The following OTUD4 variants were observed in gnomAD, a reference collection of about 807,000 sequenced individuals.
The protein encoded by OTUD4 is OTU domain-containing protein 4.
OTUD4 carries 24 observed loss-of-function variants against 130.4 expected under a neutral mutation model. That is an observed-to-expected ratio of 0.18 (90% CI 0.13 to 0.26). The LOEUF (loss-of-function observed/expected upper bound fraction) is 0.26, where lower values mean the gene tolerates loss of function less well. Ranked by LOEUF, OTUD4 falls within the 10% of genes least tolerant of loss-of-function variation. OTUD4 has a pLI of 1.00. For missense variants in OTUD4, 1,031 were observed against 1,329.4 expected, an observed-to-expected ratio of 0.78 and a Z score of 3.49; for synonymous variants, 420 against 472.5, an observed-to-expected ratio of 0.89 and a Z score of 1.44.
chr4:145,147,508 C>CA (rs916873937), intron 13 of OTUD4, among the ~76,000 whole-genome samples: 22 of 151,768 alleles, frequency 1.4e-4, no homozygotes, highest in African/African-American at 5.3e-4. Context: ...TCCTATCATC[C>CA]AAAAAAAATG....
In OTUD4 at chr4:145,155,658, C is replaced by T. The variant is rs374366255; in HGVS notation, c.719G>A (p.Ser240Asn). ...AAGAACCTTTCTAGACAAAGGCAGG[C>T]TAGTAGAGTTCCCATTGTTCTTCAG... The part of the protein sequence containing the change: ...EQLKNNGNST[S>N]LPLSRKVLKS... The change falls in exon 9 of 21, where the codon AGC (serine) becomes AAC (asparagine). Residue 240 changes from serine (S) to asparagine (N), a missense_variant. By Grantham distance (46) the Ser-to-Asn change is conservative. This residue lies in a region of OTUD4 where 900 missense variants were observed against 1,095.9 expected (regional missense o/e 0.82). Coordinates refer to ENST00000447906, the MANE Select transcript of OTUD4 (RefSeq NM_001366057.1). The T allele has an allele frequency of 6.2e-7, 1 of 1,610,324 alleles. No homozygotes were observed. The highest frequency in any genetic ancestry group is 8.5e-7 in the Non-Finnish European group (1 of 1,178,192).
Position 145,136,727 on chromosome 4 carries a change from T to C in OTUD4, c.*703A>G, listed in dbSNP as rs1302138980. 3 of 152,638 alleles carry C rather than the reference T, an allele frequency of 2.0e-5. No homozygotes were observed. Among genetic ancestry groups the C allele is most frequent in the African/African-American group, 7.2e-5 (3 of 41,446 alleles). 9.5% of individuals were successfully genotyped at this position (152,638 alleles called of 1,614,324 possible). ...TTCATTGGATTTCCTACTATTCTTC[T>C]ATGCAATCTCAACAAATACCAAAAT... is the stretch of plus-strand genomic sequence containing the variant. On this transcript the variant is annotated 3_prime_UTR_variant, in exon 21 of 21. Coordinates refer to ENST00000447906, the MANE Select transcript of OTUD4 (RefSeq NM_001366057.1).
intron 7 of OTUD4, among the ~76,000 whole-genome samples, chr4:145,158,264 C>T (rs1307760207): frequency 6.6e-6 from 1 of 152,078 alleles, no homozygotes; most frequent in Non-Finnish European, 1.5e-5. Flanking sequence ...CGGGTGATCA[C>T]AAGGTCAGGA....
intron 3 of OTUD4, chr4:145,170,954 T>C (rs1301716954): frequency 1.3e-5 from 2 of 152,116 alleles, no homozygotes; most frequent in Admixed American, 1.3e-4. Context: ...TCCTTTTCTG[T>C]CTCAACAGTC....
chr4:145,143,221 A>G (rs1750647621), intron 17 of OTUD4, 144 bp downstream of exon 17: 2 of 521,478 alleles, frequency 3.8e-6, no homozygotes, highest in Non-Finnish European at 6.8e-6. Context: ...ACATTTAAAA[A>G]TCATAACCAC....
Position 145,137,256 on chromosome 4 carries a change from C to T in OTUD4, c.*174G>A. 2.0e-6 allele frequency: 1 copy of T among 506,106 alleles called. No individual in the cohort carries two copies. Among genetic ancestry groups the T allele is most frequent in the Admixed American group, 3.6e-5 (1 of 27,966 alleles). 31.4% of individuals were successfully genotyped at this position (506,106 alleles called of 1,614,324 possible). A position where few individuals can be genotyped will look rare whatever the true frequency, so the allele number is the denominator to read the frequency against. ...AAAACTGGCAATGCCAGGAATTAAC[C>T]TGCCCCCTTGAACTCATGTCCAAAA... On this transcript the variant is annotated 3_prime_UTR_variant, in exon 21 of 21. Coordinates refer to ENST00000447906, the MANE Select transcript of OTUD4 (RefSeq NM_001366057.1).
rs746212826 is a variant in OTUD4, at chr4:145,134,969, G to A, written c.*2461C>T. 4 of 396,666 alleles carry A rather than the reference G, an allele frequency of 1.0e-5. No homozygotes were observed. The highest frequency in any genetic ancestry group is 1.8e-5 in the Non-Finnish European group (4 of 225,000). 24.6% of individuals were successfully genotyped at this position (396,666 alleles called of 1,614,324 possible). A position where few individuals can be genotyped will look rare whatever the true frequency, so the allele number is the denominator to read the frequency against. On this transcript the variant is annotated 3_prime_UTR_variant, in exon 21 of 21. Transcript: ENST00000447906. Reference sequence around the variant, plus strand: ...CCTCTATTCTCTTATAAAGAAATATGTCAACATAACAGTATGACATAACAG... The same window carrying A: ...CCTCTATTCTCTTATAAAGAAATATATCAACATAACAGTATGACATAACAG...
chr4:145,142,342 A>T lies in OTUD4; in HGVS notation c.1684-8T>A. On this transcript the variant is annotated splice_polypyrimidine_tract_variant and splice_region_variant and intron_variant, in intron 17 of 20. Transcript: ENST00000447906. ...CACATGTTCTGCTGGCTTCTTCAAG[A>T]AAGGGGTGAGTGGGGGAAGACAGAA... is the stretch of plus-strand genomic sequence containing the variant. The T allele has an allele frequency of 1.2e-6, 2 of 1,613,284 alleles. No individual in the cohort carries two copies. The highest frequency in any genetic ancestry group is 1.7e-6 in the Non-Finnish European group (2 of 1,179,662).
intron 13 of OTUD4, 148 bp from the exon 14 acceptor site, chr4:145,146,577 T>C (rs192369738): frequency 1.1e-4 from 55 of 489,494 alleles, no homozygotes; most frequent in African/African-American, 1.1e-3. Context: ...ATTTTACTAA[T>C]TTAGCTACAC....
intron 7 of OTUD4, among the ~76,000 whole-genome samples, chr4:145,158,689 A>G (rs1342129084): frequency 6.6e-6 from 1 of 152,206 alleles, no homozygotes; most frequent in Non-Finnish European, 1.5e-5. Flanking sequence ...TTCAATAAGA[A>G]TACCATAGGT....
chr4:145,177,062 T>C (rs1039885083), intron 1 of OTUD4, among the ~76,000 whole-genome samples: 1 of 152,250 alleles, frequency 6.6e-6, no homozygotes, highest in African/African-American at 2.4e-5. Flanking sequence ...ATAACCACCG[T>C]AGAATTTTTT....
Position 145,150,764 on chromosome 4 carries a change from C to T in OTUD4, c.1072+38G>A, listed in dbSNP as rs375693801. ...TATAAACAATCCCAAGTACCATCAT[C>T]CCAATCCCAAAGGAATGATAGCTTG... On this transcript the variant is annotated intron_variant, in intron 12 of 20. Transcript: ENST00000447906. 220 of 1,603,194 alleles carry T rather than the reference C, an allele frequency of 1.4e-4. No individual in the cohort carries two copies. In the African/African-American group the frequency reaches 2.5e-3, roughly 19 times the overall value.
chr4:145,174,786 TAA>T, intron 1 of OTUD4, 42 bp from the exon 2 acceptor site: 1 of 1,125,036 alleles, frequency 8.9e-7, no homozygotes, highest in Non-Finnish European at 1.4e-6. Flanking sequence ...AGCATTTAGT[TAA>T]AAGTTACAAC....
intron 14 of OTUD4, chr4:145,146,049 C>A (rs919348339): frequency 3.9e-5 from 13 of 337,060 alleles, no homozygotes; most frequent in African/African-American, 2.6e-4. Flanking sequence ...AGTTTACTTG[C>A]CTCAACTCTA....
chr4:145,144,092 A>C (rs1750710602), intron 15 of OTUD4, 91 bp from the exon 16 acceptor site: 1 of 1,169,276 alleles, frequency 8.6e-7, no homozygotes, highest in African/African-American at 1.5e-5. Context: ...AGAAGCCAAA[A>C]GTATTATTTG....
intron 1 of OTUD4, 49 bp downstream of exon 1, chr4:145,179,766 G>T (rs750561325): frequency 3.5e-6 from 3 of 861,204 alleles, no homozygotes; most frequent in Admixed American, 5.8e-5. Flanking sequence ...CAGACCCGCC[G>T]GGCCGTCCCC....
intron 14 of OTUD4, 31 bp downstream of exon 14, chr4:145,146,236 A>G (rs1367570652): frequency 2.1e-6 from 3 of 1,412,934 alleles, no homozygotes; most frequent in East Asian, 5.3e-5. Context: ...ACTTCTGTAT[A>G]ATGACTTTTA....
intron 17 of OTUD4, 83 bp from the exon 18 acceptor site, chr4:145,142,417 A>G: frequency 8.3e-7 from 1 of 1,201,222 alleles, no homozygotes; most frequent in Non-Finnish European, 1.2e-6. Flanking sequence ...CACCAGATAC[A>G]TATTGAGTTG....
chr4:145,155,858 A>T (rs1357712623), intron 8 of OTUD4, 78 bp downstream of exon 8: 12 of 1,270,404 alleles, frequency 9.4e-6, no homozygotes, highest in African/African-American at 1.5e-5. Flanking sequence ...ACCAGAAAAA[A>T]GAAAAAAATT....
Sources: gnomAD v4.1 joint callset for allele counts (sites outside exome capture counted in the v4.1 genomes callset) on GRCh38, gnomAD v4.1.1 for gene constraint, gnomAD v4.1.1 regional missense constraint, MANE v1.5 for transcripts, NCBI Gene and HGNC (gene_info 2026-07-23, HGNC 2026-07-21) for gene names.